Variants in SPATS2 observed in about 807,000 individuals in gnomAD.
The protein encoded by SPATS2 is spermatogenesis associated serine rich 2.
SPATS2 carries 38 observed loss-of-function variants against 63.7 expected under a neutral mutation model. The ratio of observed to expected loss-of-function variants is 0.60; its 90% confidence interval spans 0.46 to 0.78. SPATS2 has a LOEUF of 0.78. SPATS2 is among the 30% of genes least tolerant of loss of function. SPATS2 has a pLI of 0.00. For missense variants in SPATS2, 588 were observed against 666.2 expected (o/e 0.88, Z 1.29); for synonymous variants, 207 against 232.9 (o/e 0.89, Z 1.01).
intron 2 of SPATS2, among the ~76,000 whole-genome samples, chr12:49,436,264 G>GC (rs1315921424): frequency 2.7e-5 from 4 of 149,238 alleles, no homozygotes; most frequent in East Asian, 2.0e-4. Flanking sequence ...GGCTGGCCGG[G>GC]CGGGGGGCTG....
intron 2 of SPATS2, among the ~76,000 whole-genome samples, chr12:49,376,799 A>G (rs1944113978): frequency 7.4e-6 from 1 of 135,250 alleles, no homozygotes; most frequent in African/African-American, 2.8e-5. Context: ...CTCCACTGCA[A>G]CCTCTGCTGT....
At chr12:49,373,488 T>C (rs1019624676) in intron 2 of SPATS2, among the ~76,000 whole-genome samples, 3 of 152,212 alleles carry the variant, frequency 2.0e-5, no homozygotes, top group South Asian at 2.1e-4. Context: ...TTTCTAAAGA[T>C]TTGATGTTTG....
chr12:49,391,467 G>A (rs1380424913), intron 2 of SPATS2, among the ~76,000 whole-genome samples: 1 of 152,072 alleles, frequency 6.6e-6, no homozygotes, highest in African/African-American at 2.4e-5. Context: ...AGCTGAGATC[G>A]TGCCATTACA....
At chr12:49,480,845 G>T (rs1403691971) in intron 3 of SPATS2, among the ~76,000 whole-genome samples, 7 of 150,942 alleles carry the variant, frequency 4.6e-5, no homozygotes, top group African/African-American at 1.7e-4. Context: ...AATATAATCA[G>T]AACTTTAAAC....
chr12:49,418,739 C>T (rs1944932878), intron 2 of SPATS2, among the ~76,000 whole-genome samples: 1 of 152,182 alleles, frequency 6.6e-6, no homozygotes, highest in African/African-American at 2.4e-5. Context: ...CTGTGGCCAG[C>T]CGACTAAATT....
intron 3 of SPATS2, among the ~76,000 whole-genome samples, chr12:49,467,044 GTTTTTTTTTTTTTTTTT>G (rs59350335): frequency 1.3e-5 from 1 of 75,778 alleles, no homozygotes; most frequent in African/African-American, 5.1e-5. Flanking sequence ...TTTGTTCTTT[GTTTTTTTTTTTTTTTTT>G]TTTTTTTTTG....
intron 2 of SPATS2, among the ~76,000 whole-genome samples, chr12:49,382,877 G>A (rs745959747): frequency 6.6e-6 from 1 of 151,490 alleles, no homozygotes; most frequent in Non-Finnish European, 1.5e-5. Context: ...GCTAATTTTT[G>A]TATTTTTAGT....
At chr12:49,415,146 G>T (rs997942610) in intron 2 of SPATS2, among the ~76,000 whole-genome samples, 2 of 151,618 alleles carry the variant, frequency 1.3e-5, no homozygotes, top group Non-Finnish European at 2.9e-5. Flanking sequence ...TGGGCAGGCT[G>T]GTCTCGAACT....
Position 49,435,646 on chromosome 12 carries a change from T to C in SPATS2, c.-243-25124T>C, listed in dbSNP as rs1026690218. Among the ~76,000 whole-genome samples the C allele has an allele frequency of 9.4e-4, 92 of 97,400 alleles. No individual in the cohort carries two copies. The South Asian group carries it at 0.014, about 15-fold the overall frequency. 63.9% of individuals were successfully genotyped at this position (97,400 alleles called of 152,430 possible). A position where few individuals can be genotyped will look rare whatever the true frequency, so the allele number is the denominator to read the frequency against. On this transcript the variant is annotated intron_variant, in intron 2 of 13. Transcript: ENST00000552918. ...CGGCTACTGAATGGTTTCTTTTTTT[T>C]TTTTTTTTTTTTTTTTTTAATTGAT...
At chr12:49,457,526 C>T (rs1042127887) in intron 2 of SPATS2, among the ~76,000 whole-genome samples, 3 of 151,988 alleles carry the variant, frequency 2.0e-5, no homozygotes, top group Non-Finnish European at 2.9e-5. Flanking sequence ...CTCCGCCTCC[C>T]GGGTTCAAGC....
intron 3 of SPATS2, among the ~76,000 whole-genome samples, chr12:49,467,416 T>G (rs1945942525): frequency 6.6e-6 from 1 of 152,096 alleles, no homozygotes; most frequent in South Asian, 2.1e-4. Context: ...CTAGCACTGG[T>G]TAGAAGAAAG....
intron 2 of SPATS2, among the ~76,000 whole-genome samples, chr12:49,431,999 A>C (rs940826056): frequency 6.6e-6 from 1 of 152,182 alleles, no homozygotes; most frequent in Non-Finnish European, 1.5e-5. Flanking sequence ...GTCAAAAAAA[A>C]CAAATTGTCT....
chr12:49,463,727 T>C (rs1160948744), intron 3 of SPATS2: 1 of 152,226 alleles, frequency 6.6e-6, no homozygotes, highest in African/African-American at 2.4e-5. Context: ...GAAGGGTCTA[T>C]GGTAGTCATT....
At chr12:49,382,297 A>G (rs1944235946) in intron 2 of SPATS2, among the ~76,000 whole-genome samples, 1 of 152,270 alleles carries the variant, frequency 6.6e-6, no homozygotes, top group Admixed American at 6.5e-5. Context: ...AAAAATTTTT[A>G]AAGCAGTGCA....
In SPATS2 at chr12:49,472,111, G is replaced by C. The variant is rs184598832; in HGVS notation, c.25+11074G>C. 4.7e-4 allele frequency among the ~76,000 whole-genome samples: 71 copies of C among 152,140 alleles called. No individual in the cohort carries two copies. In the South Asian group the frequency reaches 0.012, roughly 26 times the overall value. On this transcript the variant is annotated intron_variant, in intron 3 of 13. Transcript: ENST00000552918. ...CAAGGTTGCGCCAGTGCACTCCAGCGTGGGTGACAGAGCAAGACTCTTTGT... is the reference window on the plus strand; with the variant it reads ...CAAGGTTGCGCCAGTGCACTCCAGCCTGGGTGACAGAGCAAGACTCTTTGT...
intron 2 of SPATS2, among the ~76,000 whole-genome samples, chr12:49,385,876 T>G (rs1482012936): frequency 8.9e-5 from 11 of 123,724 alleles, no homozygotes; most frequent in South Asian, 5.0e-4. Flanking sequence ...TGTTTTTTGT[T>G]TTTTTTTTTT....
intron 2 of SPATS2, among the ~76,000 whole-genome samples, chr12:49,423,381 C>G (rs931108498): frequency 6.6e-6 from 1 of 152,146 alleles, no homozygotes; most frequent in Non-Finnish European, 1.5e-5. Flanking sequence ...ATCCTCCTGC[C>G]TTGATCTCCC....
Position 49,526,112 on chromosome 12 carries a change from A to G in SPATS2, c.1495A>G (p.Thr499Ala). 1 of 1,614,174 alleles carries G rather than the reference A, an allele frequency of 6.2e-7. No individual in the cohort carries two copies. Among genetic ancestry groups the G allele is most frequent in the Non-Finnish European group, 8.5e-7 (1 of 1,180,036 alleles). Reference sequence around the variant, plus strand: ...TGCTCCATCTCAGGCACCAGGAAACACCATTGAAAGAGGCCAGACTCACTC... The same window carrying G: ...TGCTCCATCTCAGGCACCAGGAAACGCCATTGAAAGAGGCCAGACTCACTC... ...QSAPSQAPGN[T>A]IERGQTHSAG... The change falls in exon 14 of 14, where the codon ACC becomes GCC. Residue 499 changes from threonine to alanine, a missense_variant. By Grantham distance (58) the Thr-to-Ala change is moderately conservative. Transcript: ENST00000552918.
At chr12:49,521,446 TA>T (rs2138085911) in intron 11 of SPATS2, among the ~76,000 whole-genome samples, 1 of 152,182 alleles carries the variant, frequency 6.6e-6, no homozygotes, top group South Asian at 2.1e-4. Context: ...ACTATATGAT[TA>T]AATTTTATAG....
Sources: allele counts gnomAD v4.1 joint callset (sites outside exome capture counted in the v4.1 genomes callset), GRCh38; gene constraint gnomAD v4.1.1; transcripts MANE v1.5; gene names NCBI Gene and HGNC (gene_info 2026-07-23, HGNC 2026-07-21).